CUL4A: variants seen among roughly 807,000 people sequenced by gnomAD.
CUL4A encodes cullin-4A.
In CUL4A, 16 loss-of-function variants were observed where a neutral mutation model predicts 95.5. That is an observed-to-expected ratio of 0.17 (90% CI 0.11 to 0.25). CUL4A has a LOEUF of 0.25. CUL4A is among the 10% of genes least tolerant of loss of function. The pLI is 1.00. For missense variants in CUL4A, 610 were observed against 937.0 expected (o/e 0.65, Z 4.56); for synonymous variants, 380 against 353.1 (o/e 1.08, Z -0.85).
chr13:113,253,068 C>T lies in CUL4A; in HGVS notation c.1639-14C>T, dbSNP rs2139275973. On this transcript the variant is annotated splice_polypyrimidine_tract_variant and intron_variant, in intron 15 of 19. Coordinates refer to ENST00000375440, the MANE Select transcript of CUL4A (RefSeq NM_001008895.4). ...GTGTGTGGCATAATTTTGTTGTTCT[C>T]CTATGCTTAACAGATGATTAAACTT... 3 of 1,443,500 alleles carry T rather than the reference C, an allele frequency of 2.1e-6. No homozygotes were observed. The highest frequency in any genetic ancestry group is 1.2e-5 in the South Asian group (1 of 81,334). 89.4% of individuals were successfully genotyped at this position (1,443,500 alleles called of 1,614,324 possible).
chr13:113,258,161 T>TTTGTATTTTTTGTAGAGATGAGG (rs2042179281), intron 18 of CUL4A, among the ~76,000 whole-genome samples: 1 of 152,100 alleles, frequency 6.6e-6, no homozygotes, highest in African/African-American at 2.4e-5. Flanking sequence ...AGCTAAATTT[T>TTTGTATTTTTTGTAGAGATGAGG]TGTATTTTTT....
At chr13:113,255,387 G>T (rs561997627) in intron 18 of CUL4A, among the ~76,000 whole-genome samples, 2 of 152,224 alleles carry the variant, frequency 1.3e-5, no homozygotes, top group Admixed American at 6.5e-5. Context: ...ACTCCCCATG[G>T]TCATAGGGTT....
upstream of CUL4A, chr13:113,209,530 G>C: frequency 8.8e-6 from 6 of 678,304 alleles, no homozygotes; most frequent in Non-Finnish European, 1.1e-5. Context: ...CGGGGCGCGC[G>C]AGGAGGACGG....
At position 113,267,031 on chromosome 13, in the gene CUL4A, A is replaced by G. The variant is rs1306726073; in HGVS notation, c.*3449A>G. The G allele has an allele frequency of 2.0e-5, 3 of 152,296 alleles. No individual in the cohort carries two copies. The highest frequency in any genetic ancestry group is 2.1e-4 in the South Asian group (1 of 4,828). 9.4% of individuals were successfully genotyped at this position (152,296 alleles called of 1,614,324 possible). A position where few individuals can be genotyped will look rare whatever the true frequency, so the allele number is the denominator to read the frequency against. On this transcript the variant is annotated 3_prime_UTR_variant, in exon 20 of 20. Coordinates refer to ENST00000375440, the MANE Select transcript of CUL4A (RefSeq NM_001008895.4). ...ACTCTTAGCAATTTTGAAATGTACA[A>G]TACTCAATTTTTGACTGTATTCACC...
Position 113,236,904 on chromosome 13 carries a change from C to A in CUL4A, c.916+14C>A. ...TTCTGCAGAAAGGTAGATTTCCTAA[C>A]TCTTGTGCAAATTAAACTGAACAAT... On this transcript the variant is annotated intron_variant, in intron 9 of 19. Transcript: ENST00000375440. 1 of 1,585,260 alleles carries A rather than the reference C, an allele frequency of 6.3e-7. No homozygotes were observed. The highest frequency in any genetic ancestry group is 8.6e-7 in the Non-Finnish European group (1 of 1,156,792).
Position 113,267,079 on chromosome 13 carries a change from A to G in CUL4A, c.*3497A>G, listed in dbSNP as rs1248978285. The G allele has an allele frequency of 1.3e-5, 2 of 152,198 alleles. No individual in the cohort carries two copies. The highest frequency in any genetic ancestry group is 2.9e-5 in the Non-Finnish European group (2 of 68,032). The allele number at this position is 152,198 out of a possible 1,614,324, so 9.4% of individuals were successfully genotyped here. A position where few individuals can be genotyped will look rare whatever the true frequency, so the allele number is the denominator to read the frequency against. On this transcript the variant is annotated 3_prime_UTR_variant, in exon 20 of 20. Coordinates refer to ENST00000375440, the MANE Select transcript of CUL4A (RefSeq NM_001008895.4). ...ACCATGCTGTACAATAGAACTCAGA[A>G]AAAGAAAAATATAGTCCTCCTTTCT...
In CUL4A at chr13:113,256,926, G is replaced by GTTTTTTTT. The variant is rs951070829; in HGVS notation, c.2031+1817_2031+1824dup. 2.7e-3 allele frequency among the ~76,000 whole-genome samples: 130 copies of GTTTTTTTT among 47,400 alleles called. 1 individual carries two copies. The highest frequency in any genetic ancestry group is 5.1e-3 in the East Asian group (7 of 1,362). The allele number at this position is 47,400 out of a possible 152,430, so 31.1% of individuals were successfully genotyped here. A position where few individuals can be genotyped will look rare whatever the true frequency, so the allele number is the denominator to read the frequency against. On this transcript the variant is annotated intron_variant, in intron 18 of 19. Coordinates refer to ENST00000375440, the MANE Select transcript of CUL4A (RefSeq NM_001008895.4). ...AATGCTTTGTCCCTTTTTTTTTTTC[G>GTTTTTTTT]TTTTTTTTTTTTTTTTTTTTTTTGC...
At chr13:113,217,076 A>G (rs1233175654) in intron 2 of CUL4A, among the ~76,000 whole-genome samples, 1 of 152,336 alleles carries the variant, frequency 6.6e-6, no homozygotes, top group Non-Finnish European at 1.5e-5. Context: ...GGTTTTAAGG[A>G]TATTGGTTCT....
intron 5 of CUL4A, chr13:113,229,910 G>T (rs1595377189): frequency 2.3e-6 from 1 of 435,288 alleles, no homozygotes; most frequent in East Asian, 3.4e-5. Flanking sequence ...CTGTGGAATG[G>T]CTTGCTCAGC....
intron 18 of CUL4A, among the ~76,000 whole-genome samples, chr13:113,258,835 G>C (rs950086141): frequency 1.3e-5 from 2 of 152,186 alleles, no homozygotes; most frequent in African/African-American, 4.8e-5. Context: ...ACTGAAAGAA[G>C]GCCTCTGGCT....
intron 7 of CUL4A, 84 bp from the exon 8 acceptor site, chr13:113,234,979 A>T: frequency 2.0e-6 from 2 of 1,000,438 alleles, no homozygotes; most frequent in East Asian, 5.0e-5. Flanking sequence ...AAAAAATTAC[A>T]TGTAAGGAAA....
intron 15 of CUL4A, among the ~76,000 whole-genome samples, chr13:113,249,333 T>G (rs1323086540): frequency 6.6e-6 from 1 of 151,972 alleles, no homozygotes; most frequent in East Asian, 1.9e-4. Context: ...CATCAGCGCT[T>G]TATTCCATCC....
intron 3 of CUL4A, 182 bp downstream of exon 3, chr13:113,219,230 A>T (rs2040808208): frequency 6.1e-6 from 3 of 494,506 alleles, no homozygotes; most frequent in Non-Finnish European, 1.1e-5. Flanking sequence ...GATTTGAATT[A>T]AAGGGAAACC....
chr13:113,232,008 A>ACTGCCACCACCACCACCACCATTACTG (rs1566342578), intron 5 of CUL4A, among the ~76,000 whole-genome samples: 3 of 85,764 alleles, frequency 3.5e-5, no homozygotes, highest in African/African-American at 1.0e-4. Flanking sequence ...CACTGTTACT[A>ACTGCCACCACCACCACCACCATTACTG]CTGCCACCAC....
chr13:113,239,661 C>T lies in CUL4A; in HGVS notation c.1035+110C>T, dbSNP rs1387603375. The T allele has an allele frequency of 8.4e-6, 6 of 718,362 alleles. No homozygotes were observed. In the East Asian group the frequency reaches 1.4e-4, roughly 16 times the overall value. The allele number at this position is 718,362 out of a possible 1,614,324, so 44.5% of individuals were successfully genotyped here. On this transcript the variant is annotated intron_variant, in intron 10 of 19. Coordinates refer to ENST00000375440, the MANE Select transcript of CUL4A (RefSeq NM_001008895.4). The stretch of plus-strand genomic sequence containing the variant: ...CAAAGGGAACTGGGCTGCTGGAGGG[C>T]CCGTCTGCATTTTCATCACAGATGA...
At chr13:113,224,701 C>T (rs906777642) in intron 3 of CUL4A, among the ~76,000 whole-genome samples, 1 of 152,258 alleles carries the variant, frequency 6.6e-6, no homozygotes, top group African/African-American at 2.4e-5. Context: ...TGGCAGTAGG[C>T]CAAGCTCTGC....
chr13:113,225,098 C>A (rs1179848367), intron 3 of CUL4A, among the ~76,000 whole-genome samples: 1 of 151,822 alleles, frequency 6.6e-6, no homozygotes, highest in Non-Finnish European at 1.5e-5. Context: ...AGCATTTCTG[C>A]TGTTGGATTT....
At chr13:113,208,824 T>TGCCGGGGCCCCGTCCTCTCA, upstream of CUL4A, 1 of 1,408,682 alleles carries the variant, frequency 7.1e-7, no homozygotes, top group Non-Finnish European at 9.2e-7. Context: ...GGGGTCTTTC[T>TGCCGGGGCCCCGTCCTCTCA]GCCGGGGCCC....
chr13:113,210,735 A>G (rs1213357855), intron 2 of CUL4A, among the ~76,000 whole-genome samples: 3 of 152,192 alleles, frequency 2.0e-5, no homozygotes, highest in Non-Finnish European at 2.9e-5. Context: ...GTAGTCTAAT[A>G]TCTATATTTT....
Sources: gnomAD v4.1 joint callset for allele counts (sites outside exome capture counted in the v4.1 genomes callset) on GRCh38, gnomAD v4.1.1 for gene constraint, MANE v1.5 for transcripts, NCBI Gene and HGNC (gene_info 2026-07-23, HGNC 2026-07-21) for gene names.